Variants in LILRB1 observed in about 807,000 individuals in gnomAD.
LILRB1 encodes leukocyte immunoglobulin like receptor B1.
In LILRB1, 59 loss-of-function variants were observed where a neutral mutation model predicts 74.6. The ratio of observed to expected loss-of-function variants is 0.79; its 90% CI spans 0.64 to 0.98. The LOEUF (loss-of-function observed/expected upper bound fraction) is 0.98. Among genes scored for constraint, LILRB1 ranks in the 50% least tolerant of loss-of-function variants. The pLI is 0.00. For synonymous variants in LILRB1, 328 were observed against 333.9 expected (o/e 0.98, Z 0.19); for missense variants, 804 against 822.6 (o/e 0.98, Z 0.28).
At chr19:54,633,825 A>G (rs1391306792) in intron 8 of LILRB1, 137 bp downstream of exon 8, 22 of 1,436,416 alleles carry the variant, frequency 1.5e-5, no homozygotes, top group Non-Finnish European at 2.0e-5. Context: ...GAGGGGCCAC[A>G]GGGTCCCCAG....
In LILRB1 at chr19:54,632,648, C is replaced by T. The variant is rs771065590; in HGVS notation, c.846C>T (p.Phe282=). Residue 282 remains phenylalanine (F), a synonymous_variant, in exon 6 of 15, where the codon TTC becomes TTT. Transcript: ENST00000324602. ...AGGCTGGGCTCTCCCAGGCCAACTT[C>T]ACCCTGGGCCCTGTGAGCCGCTCCT... ...QPQAGLSQAN[F]TLGPVSRSYG... is the part of the protein sequence containing the mutation. The T allele has an allele frequency of 1.4e-5, 22 of 1,613,970 alleles. No individual in the cohort carries two copies. The South Asian group carries it at 2.3e-4, about 17-fold the overall frequency.
At chr19:54,620,982 C>T (rs1285831816) in intron 1 of LILRB1, among the ~76,000 whole-genome samples, 5 of 152,182 alleles carry the variant, frequency 3.3e-5, no homozygotes, top group East Asian at 1.9e-4. Context: ...AAGCGATTCT[C>T]CTGCCTTAGC....
chr19:54,635,242 T>G lies in LILRB1; in HGVS notation c.1563-17T>G, dbSNP rs757351224. ...GTGGCCCATACACTGCCCCTAAAGC[T>G]CCCATTCTTCCCCCAGGTCCAGCCC... is the stretch of plus-strand genomic sequence containing the variant. On this transcript the variant is annotated splice_polypyrimidine_tract_variant and intron_variant, in intron 11 of 14. Coordinates refer to ENST00000324602, the MANE Select transcript of LILRB1 (RefSeq NM_001081637.3). 3.1e-5 allele frequency: 50 copies of G among 1,611,774 alleles called. No homozygotes were observed. Among genetic ancestry groups the G allele is most frequent in the Non-Finnish European group, 3.8e-5 (45 of 1,178,390 alleles).
At chr19:54,621,415 C>T (rs920050387) in intron 1 of LILRB1, among the ~76,000 whole-genome samples, 2 of 152,136 alleles carry the variant, frequency 1.3e-5, no homozygotes, top group Non-Finnish European at 2.9e-5. Context: ...TTGAATTTCT[C>T]TGATGATTAA....
At chr19:54,620,861 C>CTTATTTAT (rs1186448169) in intron 1 of LILRB1, among the ~76,000 whole-genome samples, 1 of 151,988 alleles carries the variant, frequency 6.6e-6, no homozygotes. Flanking sequence ...GTGCAGTTGT[C>CTTATTTAT]TTATTTATTT....
upstream of LILRB1, among the ~76,000 whole-genome samples, chr19:54,626,216 A>G (rs2146199820): frequency 6.6e-6 from 1 of 152,308 alleles, no homozygotes; most frequent in East Asian, 1.9e-4. Flanking sequence ...TCCGGTCCCA[A>G]TGTGCTTGTC....
At position 54,631,776 on chromosome 19, in the gene LILRB1, TG is replaced by T; in HGVS notation, c.349del (p.Val117TrpfsTer2). On this transcript the variant is annotated frameshift_variant, in exon 4 of 15. Coordinates refer to ENST00000324602, the MANE Select transcript of LILRB1 (RefSeq NM_001081637.3). LOFTEE classifies it high-confidence loss of function. ...TCAGAGAGCAGTGACCCCCTGGAGCTGGTGGTGACAGGTGAGCTGACACTCA... is the reference window on the plus strand; with the variant it reads ...TCAGAGAGCAGTGACCCCCTGGAGCTGTGGTGACAGGTGAGCTGACACTCA... Reference protein sequence around the residue: ...GRSESSDPLELVVTGAYIKPT... With the variant: ...GRSESSDPLEXVVTGAYIKPT... 1 of 1,614,160 alleles carries T rather than the reference TG, an allele frequency of 6.2e-7. No homozygotes were observed. Among genetic ancestry groups the T allele is most frequent in the Non-Finnish European group, 8.5e-7 (1 of 1,179,978 alleles).
intron 1 of LILRB1, among the ~76,000 whole-genome samples, chr19:54,617,551 GTC>G (rs1341037781): frequency 7.7e-6 from 1 of 130,244 alleles, no homozygotes; most frequent in African/African-American, 2.9e-5. Flanking sequence ...GCTACAGGAT[GTC>G]TGTGTGTGTG....
chr19:54,618,923 G>A (rs2063383514), intron 1 of LILRB1, among the ~76,000 whole-genome samples: 2 of 152,106 alleles, frequency 1.3e-5, no homozygotes, highest in African/African-American at 2.4e-5. Context: ...TGGAATAAAT[G>A]CCTATAAACA....
chr19:54,620,211 T>TA (rs1464642448), intron 1 of LILRB1, among the ~76,000 whole-genome samples: 1 of 152,112 alleles, frequency 6.6e-6, no homozygotes, highest in Non-Finnish European at 1.5e-5. Flanking sequence ...AGATAGTTGA[T>TA]ATAGAGGAAG....
At chr19:54,633,517 GGA>G in intron 7 of LILRB1, 119 bp from the exon 8 acceptor site, 1 of 1,212,154 alleles carries the variant, frequency 8.2e-7, no homozygotes, top group Non-Finnish European at 1.1e-6. Context: ...ATCATGGACA[GGA>G]GAGGCGGGTG....
intron 1 of LILRB1, among the ~76,000 whole-genome samples, chr19:54,619,416 T>A (rs927476352): frequency 6.6e-6 from 1 of 152,138 alleles, no homozygotes; most frequent in Non-Finnish European, 1.5e-5. Flanking sequence ...CTTTGATATT[T>A]AAAAAACACA....
rs372382780 is a variant in LILRB1 at position 54,633,028 on chromosome 19, A to T, written c.971A>T (p.Asp324Val). ...TTCTTCTCTCCAGGACAGTTCTATG[A>T]CAGAGTCTCCCTCTCGGTGCAGCCG... is the stretch of plus-strand genomic sequence containing the variant. ...LDILIAGQFYDRVSLSVQPGP... is the reference protein window; with the variant it reads ...LDILIAGQFYVRVSLSVQPGP... Residue 324 changes from aspartate (D) to valine (V), a missense_variant, in exon 7 of 15, where the codon GAC becomes GTC. By Grantham distance (152) the Asp-to-Val change is radical (BLOSUM62 -3). Coordinates refer to ENST00000324602, the MANE Select transcript of LILRB1 (RefSeq NM_001081637.3). 23 of 1,482,236 alleles carry T rather than the reference A, an allele frequency of 1.6e-5. No homozygotes were observed. The highest frequency in any genetic ancestry group is 2.0e-5 in the Non-Finnish European group (22 of 1,109,636). 91.8% of individuals were successfully genotyped at this position (1,482,236 alleles called of 1,614,324 possible).
intron 6 of LILRB1, 60 bp downstream of exon 6, chr19:54,632,820 G>A (rs1338227753): frequency 6.2e-7 from 1 of 1,600,158 alleles, no homozygotes; most frequent in Non-Finnish European, 8.5e-7. Context: ...TGCCGGGGGA[G>A]CTCAGGTAGT....
intron 1 of LILRB1, among the ~76,000 whole-genome samples, chr19:54,624,074 G>C (rs2063518883): frequency 6.6e-6 from 1 of 152,178 alleles, no homozygotes; most frequent in African/African-American, 2.4e-5. Context: ...TTCAGGGGAA[G>C]GGCTGGACCG....
chr19:54,628,833 T>C (rs1174277158), upstream of LILRB1, among the ~76,000 whole-genome samples: 1 of 151,718 alleles, frequency 6.6e-6, no homozygotes. Context: ...GACATTAGAG[T>C]CTTGCCTTGG....
intron 5 of LILRB1, 91 bp from the exon 6 acceptor site, chr19:54,632,373 A>G: frequency 1.3e-6 from 2 of 1,545,774 alleles, no homozygotes; most frequent in South Asian, 2.5e-5. Flanking sequence ...AGACACAGGA[A>G]GATCAGCAGT....
chr19:54,618,508 G>T (rs2063371943), intron 1 of LILRB1, among the ~76,000 whole-genome samples: 1 of 152,112 alleles, frequency 6.6e-6, no homozygotes, highest in African/African-American at 2.4e-5. Flanking sequence ...TTTCCATAAG[G>T]GTTATAAAAC....
exon 1 of LILRB1, chr19:54,617,254 C>T (rs2063330555): frequency 6.6e-6 from 1 of 152,082 alleles, no homozygotes. Context: ...GAAGAGTGAC[C>T]CCCTTGTGGG....
Sources: allele counts gnomAD v4.1 joint callset (sites outside exome capture counted in the v4.1 genomes callset), GRCh38; gene constraint gnomAD v4.1.1; transcripts MANE v1.5; gene names NCBI Gene and HGNC (gene_info 2026-07-23, HGNC 2026-07-21).